Variants in MTX2 observed in about 807,000 individuals in gnomAD.
The protein encoded by MTX2 is metaxin-2.
Under a neutral mutation model 42.3 loss-of-function variants are expected in MTX2, and 35 were observed. The observed-to-expected ratio is 0.83, with a 90% CI of 0.63 to 1.10. The LOEUF (loss-of-function observed/expected upper bound fraction) is 1.10. Among genes scored for constraint, MTX2 ranks in the 50% least tolerant of loss-of-function variants. The probability of loss-of-function intolerance (pLI) is 0.00; values close to 1 mark genes in which losing one functional copy is unlikely to be tolerated. For synonymous variants in MTX2, 119 were observed against 100.9 expected (o/e 1.18, Z -1.08); for missense variants, 307 against 304.1 (o/e 1.01, Z -0.07).
intron 1 of MTX2, among the ~76,000 whole-genome samples, chr2:176,289,373 T>C (rs1209736553): frequency 2.0e-5 from 3 of 152,036 alleles, no homozygotes; most frequent in African/African-American, 7.2e-5. Context: ...AAAAAAACTC[T>C]CCCACTAAAG....
intron 3 of MTX2, among the ~76,000 whole-genome samples, chr2:176,308,612 A>C (rs1379253991): frequency 6.6e-6 from 1 of 152,104 alleles, no homozygotes; most frequent in African/African-American, 2.4e-5. Flanking sequence ...TTCCTGGTTT[A>C]GTCTTGGGAG....
At chr2:176,293,673 A>G (rs541949598) in intron 1 of MTX2, among the ~76,000 whole-genome samples, 1 of 152,222 alleles carries the variant, frequency 6.6e-6, no homozygotes, top group African/African-American at 2.4e-5. Flanking sequence ...TGCAGCTCTC[A>G]CCAGAAGCAG....
chr2:176,317,294 A>T (rs529570049), intron 3 of MTX2, among the ~76,000 whole-genome samples: 1 of 152,030 alleles, frequency 6.6e-6, no homozygotes, highest in African/African-American at 2.4e-5. Context: ...AGATAGTGAT[A>T]CTTGTACATA....
intron 1 of MTX2, among the ~76,000 whole-genome samples, chr2:176,280,624 A>C (rs1424691902): frequency 1.3e-5 from 2 of 152,192 alleles, no homozygotes; most frequent in African/African-American, 4.8e-5. Context: ...TCAGTCATAA[A>C]AGCAATAAGC....
At chr2:176,328,165 T>G in intron 5 of MTX2, 128 bp from the exon 6 acceptor site, 1 of 455,390 alleles carries the variant, frequency 2.2e-6, no homozygotes, top group Non-Finnish European at 3.9e-6. Flanking sequence ...ATAAAATAAT[T>G]TTTAGGGGGC....
At chr2:176,308,299 T>C (rs7602195) in intron 3 of MTX2, among the ~76,000 whole-genome samples, 39,980 of 151,980 alleles carry the variant, frequency 0.26, 5,610 homozygotes, top group African/African-American at 0.34. Context: ...CTGGATTCGG[T>C]TTGCTAATAT....
intron 1 of MTX2, among the ~76,000 whole-genome samples, chr2:176,275,079 A>G (rs1692916574): frequency 6.6e-6 from 1 of 152,232 alleles, no homozygotes; most frequent in African/African-American, 2.4e-5. Flanking sequence ...AGCAGTGCTT[A>G]CGTAAACATA....
At chr2:176,291,047 A>G (rs991690338) in intron 1 of MTX2, among the ~76,000 whole-genome samples, 22 of 152,122 alleles carry the variant, frequency 1.4e-4, no homozygotes, top group Admixed American at 1.4e-3. Context: ...TCATGTCCTT[A>G]TCAATAAAAA....
intron 3 of MTX2, among the ~76,000 whole-genome samples, chr2:176,305,239 C>T (rs181334217): frequency 2.6e-5 from 4 of 152,084 alleles, no homozygotes; most frequent in Non-Finnish European, 4.4e-5. Flanking sequence ...ATATATGTTC[C>T]TTCCATCTAC....
chr2:176,322,243 CCTTAACA>C (rs1684603057), intron 3 of MTX2, among the ~76,000 whole-genome samples: 1 of 151,766 alleles, frequency 6.6e-6, no homozygotes, highest in Non-Finnish European at 1.5e-5. Context: ...TGTTTTGTAC[CCTTAACA>C]CTTAAGAGTC....
At chr2:176,326,019 T>C (rs1191482313) in intron 4 of MTX2, among the ~76,000 whole-genome samples, 2 of 151,734 alleles carry the variant, frequency 1.3e-5, no homozygotes, top group Non-Finnish European at 3.0e-5. Flanking sequence ...CTGCTGTTAG[T>C]GTGAACTCTA....
At chr2:176,288,104 A>G (rs1028578335) in intron 1 of MTX2, among the ~76,000 whole-genome samples, 10 of 152,118 alleles carry the variant, frequency 6.6e-5, no homozygotes, top group African/African-American at 2.4e-4. Context: ...AACACTAGCT[A>G]AGGGGCATTA....
At chr2:176,322,300 T>C (rs1684604188) in intron 3 of MTX2, among the ~76,000 whole-genome samples, 2 of 152,288 alleles carry the variant, frequency 1.3e-5, no homozygotes, top group Middle Eastern at 3.4e-3. Context: ...GAAGGAATTA[T>C]AATAAACCTA....
intron 3 of MTX2, among the ~76,000 whole-genome samples, chr2:176,303,314 CCT>C (rs1165907442): frequency 1.3e-5 from 2 of 152,006 alleles, no homozygotes; most frequent in Non-Finnish European, 2.9e-5. Flanking sequence ...ATTTGATCAT[CCT>C]CTGTCAGATG....
intron 1 of MTX2, among the ~76,000 whole-genome samples, chr2:176,280,804 A>G (rs1161662520): frequency 1.3e-5 from 2 of 152,234 alleles, no homozygotes; most frequent in Admixed American, 6.5e-5. Context: ...CACATCACAC[A>G]GTAACATTTA....
In MTX2 at chr2:176,269,647, A is replaced by G; in HGVS notation, c.18A>G (p.Glu6=). The G allele has an allele frequency of 1.9e-6, 3 of 1,597,862 alleles. No individual in the cohort carries two copies. The highest frequency in any genetic ancestry group is 2.6e-6 in the Non-Finnish European group (3 of 1,174,932). MSLVA[E]AFVSQIAAAE... is the part of the protein sequence containing the mutation. ...CAGCCGACATGTCTCTAGTGGCGGA[A>G]GCCTTCGTCTCCCAGATTGCAGGTA... Residue 6 remains glutamate (E), a synonymous_variant, in exon 1 of 10, where the codon GAA becomes GAG. Coordinates refer to ENST00000249442, the MANE Select transcript of MTX2 (RefSeq NM_006554.5).
At chr2:176,281,872 C>T (rs1462215874) in intron 1 of MTX2, among the ~76,000 whole-genome samples, 1 of 152,110 alleles carries the variant, frequency 6.6e-6, no homozygotes, top group Non-Finnish European at 1.5e-5. Context: ...CCTGCTCGAA[C>T]ATGCATGCAT....
intron 1 of MTX2, among the ~76,000 whole-genome samples, chr2:176,278,980 A>G (rs1466181723): frequency 1.3e-5 from 2 of 152,322 alleles, no homozygotes; most frequent in East Asian, 3.9e-4. Context: ...TAAAAATGAA[A>G]TTTGATTGGT....
intron 3 of MTX2, among the ~76,000 whole-genome samples, chr2:176,307,404 T>A (rs1191883477): frequency 6.6e-6 from 1 of 152,192 alleles, no homozygotes; most frequent in Non-Finnish European, 1.5e-5. Context: ...CTTTTTTGGT[T>A]CCATATGAAC....
Sources: allele counts gnomAD v4.1 joint callset (sites outside exome capture counted in the v4.1 genomes callset), GRCh38; gene constraint gnomAD v4.1.1; transcripts MANE v1.5; gene names NCBI Gene and HGNC (gene_info 2026-07-23, HGNC 2026-07-21).